PAPPA2: variants seen among roughly 807,000 people sequenced by gnomAD.
PAPPA2 encodes the protein pappalysin 2.
Under a neutral mutation model 176.4 loss-of-function variants are expected in PAPPA2, and 86 were observed. That is an observed-to-expected ratio of 0.49 (90% CI 0.41 to 0.58). The LOEUF (loss-of-function observed/expected upper bound fraction) is 0.58. Ranked by LOEUF, PAPPA2 falls within the 20% of genes least tolerant of loss-of-function variation. The probability of loss-of-function intolerance (pLI) is 0.00; values close to 1 mark genes in which losing one functional copy is unlikely to be tolerated. For missense variants in PAPPA2, 2,073 were observed against 2,256.9 expected (o/e 0.92, Z 1.65); for synonymous variants, 809 against 852.2 (o/e 0.95, Z 0.88).
intron 14 of PAPPA2, among the ~76,000 whole-genome samples, chr1:176,746,231 C>A (rs1662897400): frequency 6.6e-6 from 1 of 152,144 alleles, no homozygotes; most frequent in African/African-American, 2.4e-5. Context: ...TTTTCATGGT[C>A]CAGCTCTAGT....
At chr1:176,552,940 G>C (rs1278552659) in intron 1 of PAPPA2, among the ~76,000 whole-genome samples, 2 of 152,140 alleles carry the variant, frequency 1.3e-5, no homozygotes, top group East Asian at 3.9e-4. Context: ...AGAGGGGTAG[G>C]GGACTTGGGG....
intron 4 of PAPPA2, among the ~76,000 whole-genome samples, chr1:176,673,596 T>A (rs939581669): frequency 6.6e-5 from 10 of 152,156 alleles, no homozygotes; most frequent in Non-Finnish European, 1.3e-4. Flanking sequence ...TGGAGACAAA[T>A]CATGACTTCT....
At chr1:176,673,205 T>C (rs1427054674) in intron 4 of PAPPA2, among the ~76,000 whole-genome samples, 1 of 152,142 alleles carries the variant, frequency 6.6e-6, no homozygotes, top group East Asian at 1.9e-4. Context: ...CAGTCATACA[T>C]TTCCAAGATG....
At chr1:176,573,196 G>A (rs1506775) in intron 2 of PAPPA2, among the ~76,000 whole-genome samples, 53,336 of 152,014 alleles carry the variant, frequency 0.35, 9,898 homozygotes, top group South Asian at 0.58. Flanking sequence ...CCTAAGGTGT[G>A]TGACTTCTTG....
intron 3 of PAPPA2, among the ~76,000 whole-genome samples, chr1:176,640,505 C>G (rs1161467202): frequency 2.0e-5 from 3 of 151,776 alleles, no homozygotes; most frequent in South Asian, 2.1e-4. Flanking sequence ...ATCCATGTCC[C>G]TACAAAGGAC....
intron 12 of PAPPA2, among the ~76,000 whole-genome samples, chr1:176,737,275 A>G (rs148723760): frequency 6.6e-6 from 1 of 152,264 alleles, no homozygotes; most frequent in Non-Finnish European, 1.5e-5. Context: ...AGAACAATCC[A>G]AGAATCGAAC....
At chr1:176,752,343 A>T (rs1170747190) in intron 14 of PAPPA2, among the ~76,000 whole-genome samples, 8 of 38,346 alleles carry the variant, frequency 2.1e-4, no homozygotes, top group Non-Finnish European at 3.3e-4. Flanking sequence ...AGAGTATAAT[A>T]AAAAAAAAAA....
chr1:176,710,201 T>G, intron 11 of PAPPA2, 25 bp downstream of exon 11: 1 of 1,602,444 alleles, frequency 6.2e-7, no homozygotes, highest in Non-Finnish European at 8.5e-7. Flanking sequence ...ATGAATAGAG[T>G]CGAGCCTGCG....
intron 8 of PAPPA2, among the ~76,000 whole-genome samples, chr1:176,700,267 G>C (rs1022331536): frequency 2.0e-5 from 3 of 152,218 alleles, no homozygotes; most frequent in Admixed American, 2.0e-4. Flanking sequence ...TCAATATCTG[G>C]AGCAGGAGGC....
chr1:176,706,568 T>A, intron 10 of PAPPA2, 118 bp downstream of exon 10: 1 of 794,340 alleles, frequency 1.3e-6, no homozygotes, highest in Admixed American at 2.6e-5. Context: ...CTCTGATGTG[T>A]CCCTTGTATG....
At chr1:176,805,956 G>A (rs752275645) in intron 21 of PAPPA2, among the ~76,000 whole-genome samples, 5 of 130,768 alleles carry the variant, frequency 3.8e-5, no homozygotes, top group Non-Finnish European at 7.6e-5. Flanking sequence ...CCACTGTACT[G>A]CAGCCTGGGT....
At chr1:176,777,867 A>G (rs1290573872) in intron 17 of PAPPA2, among the ~76,000 whole-genome samples, 5 of 152,000 alleles carry the variant, frequency 3.3e-5, no homozygotes. Flanking sequence ...CATCACCATA[A>G]TAATTTCTAC....
At chr1:176,617,795 G>A (rs895960871) in intron 3 of PAPPA2, among the ~76,000 whole-genome samples, 4 of 151,968 alleles carry the variant, frequency 2.6e-5, no homozygotes, top group Non-Finnish European at 5.9e-5. Context: ...GTCTTTTTTG[G>A]GGTAGGTACC....
rs143585484 is a variant in PAPPA2 at position 176,489,112 on chromosome 1, C to T, written c.-917+25694C>T. On this transcript the variant is annotated intron_variant, in intron 1 of 22. Coordinates refer to ENST00000367662, the MANE Select transcript of PAPPA2 (RefSeq NM_020318.3). The stretch of plus-strand genomic sequence containing the variant: ...TGTGATGTGTGCCCATACGCAAACA[C>T]GAGCTGTCACATTCATGAATGTAAC... Among the ~76,000 whole-genome samples, 1,192 of 152,244 alleles carry T rather than the reference C, an allele frequency of 7.8e-3. 15 individuals carry two copies. Among genetic ancestry groups the T allele is most frequent in the Middle Eastern group, 0.01 (3 of 294 alleles).
At chr1:176,774,595 A>G (rs563364015) in intron 17 of PAPPA2, among the ~76,000 whole-genome samples, 2 of 152,244 alleles carry the variant, frequency 1.3e-5, no homozygotes, top group East Asian at 3.9e-4. Context: ...CCAAGTCTCT[A>G]TAATAGACTA....
At chr1:176,752,342 T>TAAAAA (rs58591760) in intron 14 of PAPPA2, among the ~76,000 whole-genome samples, 199 of 95,138 alleles carry the variant, frequency 2.1e-3, no homozygotes, top group East Asian at 3.1e-3. Context: ...TAGAGTATAA[T>TAAAAA]AAAAAAAAAA....
At chr1:176,692,093 C>T (rs115416265) in intron 5 of PAPPA2, 33 bp from the exon 6 acceptor site, 72,087 of 1,576,294 alleles carry the variant, frequency 0.046, 1,934 homozygotes, top group Non-Finnish European at 0.055. Context: ...GTTAAAATCT[C>T]CATCTCTTGT....
At chr1:176,674,604 T>C (rs938620906) in intron 4 of PAPPA2, among the ~76,000 whole-genome samples, 2 of 152,092 alleles carry the variant, frequency 1.3e-5, no homozygotes, top group African/African-American at 4.8e-5. Flanking sequence ...TTCCTTTTTA[T>C]GGCTGAGTAG....
Position 176,505,527 on chromosome 1 carries a change from C to G in PAPPA2, c.-917+42109C>G, listed in dbSNP as rs564827920. Among the ~76,000 whole-genome samples the G allele has an allele frequency of 1.3e-5, 2 of 152,078 alleles. 1 individual carries two copies. The highest frequency in any genetic ancestry group is 4.8e-5 in the African/African-American group (2 of 41,506). On this transcript the variant is annotated intron_variant, in intron 1 of 22. Transcript: ENST00000367662. ...CTGGAGACACTTTCCACTTCTGGTT[C>G]AAAGAAGGATTCTCAAGCCAAGTAG...
Sources: gnomAD v4.1 joint callset for allele counts (sites outside exome capture counted in the v4.1 genomes callset) on GRCh38, gnomAD v4.1.1 for gene constraint, MANE v1.5 for transcripts, NCBI Gene and HGNC (gene_info 2026-07-23, HGNC 2026-07-21) for gene names.